NAALADL2: variants seen among roughly 807,000 people sequenced by gnomAD.
The protein encoded by NAALADL2 is N-acetylated alpha-linked acidic dipeptidase like 2, also known as inactive N-acetylated-alpha-linked acidic dipeptidase-like protein 2.
Under a neutral mutation model 87.2 loss-of-function variants are expected in NAALADL2, and 76 were observed. The observed-to-expected ratio is 0.87, with a 90% CI of 0.72 to 1.05. The LOEUF is 1.05. Ranked by LOEUF, NAALADL2 falls within the 50% of genes least tolerant of loss-of-function variation. The pLI is 0.00. For synonymous variants in NAALADL2, 354 were observed against 331.0 expected, an observed-to-expected ratio of 1.07 and a Z score of -0.75; for missense variants, 1,089 against 945.8, an observed-to-expected ratio of 1.15 and a Z score of -1.99.
chr3:175,258,434 G>A (rs560319712), intron 4 of NAALADL2, among the ~76,000 whole-genome samples: 1 of 152,196 alleles, frequency 6.6e-6, no homozygotes, highest in Non-Finnish European at 1.5e-5. Context: ...GGGTGGAGTG[G>A]TGGGAGCTAG....
chr3:174,527,810 G>T (rs1720898553), intron 1 of NAALADL2, among the ~76,000 whole-genome samples: 1 of 152,062 alleles, frequency 6.6e-6, no homozygotes, highest in Non-Finnish European at 1.5e-5. Flanking sequence ...GATTTCAGGG[G>T]TTATCTACAA....
intron 4 of NAALADL2, among the ~76,000 whole-genome samples, chr3:175,310,731 G>A (rs1334379658): frequency 6.6e-6 from 1 of 151,592 alleles, no homozygotes; most frequent in Non-Finnish European, 1.5e-5. Flanking sequence ...TGTCACTATG[G>A]TCATTTTTTA....
chr3:175,058,616 G>A (rs1209548246), intron 1 of NAALADL2, among the ~76,000 whole-genome samples: 3 of 152,156 alleles, frequency 2.0e-5, no homozygotes, highest in Non-Finnish European at 4.4e-5. Context: ...CAGGCAGAGA[G>A]AACCTTCTGA....
intron 11 of NAALADL2, among the ~76,000 whole-genome samples, chr3:175,717,845 G>A (rs1371837724): frequency 8.8e-6 from 1 of 113,844 alleles, no homozygotes; most frequent in Non-Finnish European, 1.7e-5. Flanking sequence ...GTCTCACTCT[G>A]TTCACCCAGG....
At chr3:175,133,805 A>AT (rs1728655057) in intron 2 of NAALADL2, among the ~76,000 whole-genome samples, 1 of 152,120 alleles carries the variant, frequency 6.6e-6, no homozygotes, top group African/African-American at 2.4e-5. Flanking sequence ...TATTTTCTTA[A>AT]TTTTTTAATA....
At chr3:175,733,656 A>G (rs1463567831) in intron 11 of NAALADL2, among the ~76,000 whole-genome samples, 2 of 152,228 alleles carry the variant, frequency 1.3e-5, no homozygotes, top group African/African-American at 2.4e-5. Context: ...TCATTTCAGC[A>G]TTAACTCAAA....
At chr3:174,758,618 G>A (rs568130719) in intron 3 of NAALADL2, among the ~76,000 whole-genome samples, 9 of 152,292 alleles carry the variant, frequency 5.9e-5, no homozygotes, top group African/African-American at 2.2e-4. Flanking sequence ...TTTGCCTTAG[G>A]CTTGCCTTTG....
At chr3:174,513,304 T>C (rs1719729088) in intron 1 of NAALADL2, among the ~76,000 whole-genome samples, 1 of 152,206 alleles carries the variant, frequency 6.6e-6, no homozygotes, top group Non-Finnish European at 1.5e-5. Flanking sequence ...ATGCTGGTAT[T>C]GTATATATCT....
chr3:175,014,043 C>T (rs1195538161), intron 1 of NAALADL2, among the ~76,000 whole-genome samples: 1 of 152,114 alleles, frequency 6.6e-6, no homozygotes, highest in African/African-American at 2.4e-5. Flanking sequence ...GCCAGGGGTG[C>T]TATTAAGCAA....
intron 2 of NAALADL2, among the ~76,000 whole-genome samples, chr3:175,164,036 A>C (rs1221088734): frequency 1.3e-5 from 2 of 152,186 alleles, no homozygotes; most frequent in Non-Finnish European, 2.9e-5. Flanking sequence ...CTTATGTAGG[A>C]AGTTTAAAAA....
In NAALADL2 at chr3:174,859,440, G is replaced by C; in HGVS notation, c.33G>C (p.Thr11=). The change falls in exon 1 of 14, where the codon ACG becomes ACC. Residue 11 remains threonine, a synonymous_variant. Coordinates refer to ENST00000454872, the MANE Select transcript of NAALADL2 (RefSeq NM_207015.3). MGENEASLPN[T]SLQGKKMAYQ... Reference sequence around the variant, plus strand: ...AGAATGAAGCAAGTTTACCTAACACGTCTTTGCAAGGTAAGTACCAACAGC... The same window carrying C: ...AGAATGAAGCAAGTTTACCTAACACCTCTTTGCAAGGTAAGTACCAACAGC... 6.2e-7 allele frequency: 1 copy of C among 1,610,542 alleles called. No homozygotes were observed. Among genetic ancestry groups the C allele is most frequent in the Non-Finnish European group, 8.5e-7 (1 of 1,177,938 alleles).
intron 3 of NAALADL2, among the ~76,000 whole-genome samples, chr3:174,853,934 A>T (rs1024447284): frequency 1.3e-5 from 2 of 152,158 alleles, no homozygotes; most frequent in African/African-American, 2.4e-5. Context: ...ATTATTGGGA[A>T]TGTAAATTAT....
chr3:174,853,447 G>A (rs1346185469), intron 3 of NAALADL2, among the ~76,000 whole-genome samples: 1 of 150,746 alleles, frequency 6.6e-6, no homozygotes, highest in Non-Finnish European at 1.5e-5. Context: ...AGAAAACTTT[G>A]GAAAATGCTC....
At chr3:175,029,066 A>ATATATATATAT (rs569220638) in intron 1 of NAALADL2, among the ~76,000 whole-genome samples, 12 of 135,978 alleles carry the variant, frequency 8.8e-5, no homozygotes, top group Admixed American at 1.5e-4. Context: ...TATATATATA[A>ATATATATATAT]AAAACTCAAA....
At chr3:175,609,381 A>G (rs1002582629) in intron 10 of NAALADL2, 7 of 152,168 alleles carry the variant, frequency 4.6e-5, no homozygotes, top group East Asian at 1.9e-4. Flanking sequence ...GTTAAAATAC[A>G]TATGTGTAGT....
At chr3:174,693,307 A>C (rs1040868212) in intron 2 of NAALADL2, among the ~76,000 whole-genome samples, 3 of 152,140 alleles carry the variant, frequency 2.0e-5, no homozygotes, top group Non-Finnish European at 4.4e-5. Context: ...TCAAACTTTC[A>C]AATGTTTTAC....
chr3:174,602,513 GGA>G (rs755091069), intron 2 of NAALADL2, among the ~76,000 whole-genome samples: 17 of 151,356 alleles, frequency 1.1e-4, no homozygotes, highest in Non-Finnish European at 4.4e-5. Flanking sequence ...GTTTTCTTGT[GGA>G]GTCTGTAGGT....
In NAALADL2 at chr3:175,757,188, C is replaced by T. The variant is rs143267535; in HGVS notation, c.2189+1770C>T. Among the ~76,000 whole-genome samples the T allele has an allele frequency of 7.2e-5, 11 of 152,028 alleles. No individual in the cohort carries two copies. In the East Asian group the frequency reaches 1.9e-3, roughly 27 times the overall value. ...TTCTCATGATACACCCTGGACTAGA[C>T]ATACTATGTATAAACAAAGGTTATA... On this transcript the variant is annotated intron_variant, in intron 13 of 13. Coordinates refer to ENST00000454872, the MANE Select transcript of NAALADL2 (RefSeq NM_207015.3).
At chr3:175,199,831 TATATATATATATATATATATATATATATA>T (rs1739560216) in intron 2 of NAALADL2, among the ~76,000 whole-genome samples, 3 of 9,926 alleles carry the variant, frequency 3.0e-4, no homozygotes, top group Admixed American at 9.9e-4. Context: ...TATATATATA[TATATATATATATATATATATATATATATA>T]TATATTTTTT....
Sources: gnomAD v4.1 joint callset for allele counts (sites outside exome capture counted in the v4.1 genomes callset) on GRCh38, gnomAD v4.1.1 for gene constraint, MANE v1.5 for transcripts, NCBI Gene and HGNC (gene_info 2026-07-23, HGNC 2026-07-21) for gene names.